The following PTPRT variants were observed in gnomAD, a reference collection of about 807,000 sequenced individuals.
PTPRT encodes the protein receptor-type tyrosine-protein phosphatase T.
Under a neutral mutation model 176.8 loss-of-function variants are expected in PTPRT, and 56 were observed. The observed-to-expected ratio is 0.32, with a 90% CI of 0.26 to 0.40. The LOEUF is 0.40. Ranked by LOEUF, PTPRT falls within the 10% of genes least tolerant of loss-of-function variation. PTPRT has a pLI of 1.00. For missense variants in PTPRT, 1,540 were observed against 1,908.2 expected, an observed-to-expected ratio of 0.81 and a Z score of 3.60; for synonymous variants, 783 against 739.0, an observed-to-expected ratio of 1.06 and a Z score of -0.96.
chr20:42,924,867 T>C (rs1331677429), intron 1 of PTPRT, among the ~76,000 whole-genome samples: 2 of 152,188 alleles, frequency 1.3e-5, no homozygotes. Flanking sequence ...CCTGGGAGCT[T>C]GTTAAACGCA....
At chr20:42,209,094 C>T (rs1040397575) in intron 15 of PTPRT, among the ~76,000 whole-genome samples, 12 of 152,258 alleles carry the variant, frequency 7.9e-5, no homozygotes, top group Non-Finnish European at 1.8e-4. Context: ...TTCTTTGAAA[C>T]CAATGAGAAC....
At chr20:42,193,273 T>A (rs1463314026) in intron 16 of PTPRT, among the ~76,000 whole-genome samples, 2 of 152,272 alleles carry the variant, frequency 1.3e-5, no homozygotes, top group African/African-American at 4.8e-5. Flanking sequence ...TCATAGTACC[T>A]GGCACCTTGT....
intron 6 of PTPRT, among the ~76,000 whole-genome samples, chr20:42,699,914 T>C (rs1478190694): frequency 6.6e-6 from 1 of 152,156 alleles, no homozygotes; most frequent in Non-Finnish European, 1.5e-5. Flanking sequence ...GCTAAAAATA[T>C]AAAATTGATA....
intron 6 of PTPRT, among the ~76,000 whole-genome samples, chr20:42,739,292 A>T (rs114932620): frequency 1.6e-4 from 24 of 147,684 alleles, no homozygotes; most frequent in African/African-American, 4.1e-4. Context: ...AGGGAGAGAT[A>T]AAAAAAAAGC....
intron 8 of PTPRT, among the ~76,000 whole-genome samples, chr20:42,467,175 C>T (rs992444988): frequency 9.2e-5 from 14 of 152,118 alleles, no homozygotes; most frequent in African/African-American, 2.7e-4. Context: ...TAAGCACCAA[C>T]GTAATAACTG....
chr20:43,177,092 G>T (rs960844017), intron 1 of PTPRT, among the ~76,000 whole-genome samples: 2 of 152,232 alleles, frequency 1.3e-5, no homozygotes, highest in African/African-American at 2.4e-5. Context: ...TAACCCATCT[G>T]CAATGACGCC....
At chr20:42,739,290 AT>A (rs201253492) in intron 6 of PTPRT, among the ~76,000 whole-genome samples, 105,858 of 150,824 alleles carry the variant, frequency 0.7, 37,107 homozygotes, top group East Asian at 0.84. Flanking sequence ...AAAGGGAGAG[AT>A]AAAAAAAAAG....
chr20:42,656,772 T>C (rs983626999), intron 7 of PTPRT, among the ~76,000 whole-genome samples: 5 of 152,210 alleles, frequency 3.3e-5, no homozygotes, highest in African/African-American at 1.2e-4. Flanking sequence ...AAAGTTAGGA[T>C]GAAATCAATT....
At chr20:42,091,628 A>T (rs1984628542) in intron 27 of PTPRT, among the ~76,000 whole-genome samples, 2 of 152,250 alleles carry the variant, frequency 1.3e-5, no homozygotes, top group South Asian at 4.1e-4. Flanking sequence ...GAGAAATGTA[A>T]GTTTCCTGAA....
chr20:42,921,539 T>C (rs776778289), intron 1 of PTPRT, among the ~76,000 whole-genome samples: 21 of 152,186 alleles, frequency 1.4e-4, no homozygotes, highest in African/African-American at 3.1e-4. Flanking sequence ...GAGCTAGCAT[T>C]GCACCACTGC....
intron 1 of PTPRT, among the ~76,000 whole-genome samples, chr20:42,890,989 C>T (rs1359531275): frequency 6.6e-6 from 1 of 152,200 alleles, no homozygotes; most frequent in African/African-American, 2.4e-5. Context: ...TTGTCTGCCA[C>T]CATGTAAGAT....
rs577391384 is a variant in PTPRT, at chr20:42,385,297, C to T, written c.1561-33012G>A. Among the ~76,000 whole-genome samples the T allele has an allele frequency of 5.3e-5, 8 of 152,118 alleles. No individual in the cohort carries two copies. The East Asian group carries it at 1.2e-3, about 22-fold the overall frequency. On this transcript the variant is annotated intron_variant, in intron 9 of 30. Transcript: ENST00000373187. ...CTCAAAATAAAAAAGGAAGTCTTGC[C>T]GTATGTGACAACATAGATGAACCTG... is the stretch of plus-strand genomic sequence containing the variant.
At chr20:42,908,447 T>C (rs774304229) in intron 1 of PTPRT, among the ~76,000 whole-genome samples, 1 of 152,060 alleles carries the variant, frequency 6.6e-6, no homozygotes, top group Non-Finnish European at 1.5e-5. Flanking sequence ...CACTGTACAA[T>C]CCAGAAAAAT....
At chr20:42,246,279 T>C (rs1179931834) in intron 14 of PTPRT, among the ~76,000 whole-genome samples, 2 of 151,812 alleles carry the variant, frequency 1.3e-5, no homozygotes, top group African/African-American at 4.8e-5. Context: ...ATGTTCAATT[T>C]CTCTCTTCCT....
chr20:42,347,781 C>A (rs1397374655), intron 11 of PTPRT, among the ~76,000 whole-genome samples: 3 of 152,232 alleles, frequency 2.0e-5, no homozygotes, highest in Non-Finnish European at 4.4e-5. Context: ...CCTTGTTCAG[C>A]AGCCTTGCAA....
At chr20:42,056,447 C>G in the PTPRT span, among the ~76,000 whole-genome samples, 1 of 152,198 alleles carries the variant, frequency 6.6e-6, no homozygotes, top group African/African-American at 2.4e-5. Context: ...GTCTAAGCAT[C>G]TTTGGAGGCT....
At chr20:42,524,778 A>G (rs1227024288) in intron 7 of PTPRT, among the ~76,000 whole-genome samples, 1 of 151,966 alleles carries the variant, frequency 6.6e-6, no homozygotes, top group Non-Finnish European at 1.5e-5. Flanking sequence ...ATGTTTCTTT[A>G]TTCCCTTCAT....
At chr20:42,227,845 G>C (rs2056053627) in intron 15 of PTPRT, among the ~76,000 whole-genome samples, 1 of 152,036 alleles carries the variant, frequency 6.6e-6, no homozygotes, top group Admixed American at 6.5e-5. Context: ...CTGACCTCAG[G>C]TAATCCACCT....
intron 7 of PTPRT, among the ~76,000 whole-genome samples, chr20:42,543,351 A>G (rs963358178): frequency 6.6e-6 from 1 of 152,218 alleles, no homozygotes; most frequent in African/African-American, 2.4e-5. Context: ...TCAATAAAAG[A>G]TTCCATCTCA....
Sources: gnomAD v4.1 joint callset for allele counts (sites outside exome capture counted in the v4.1 genomes callset) on GRCh38, gnomAD v4.1.1 for gene constraint, MANE v1.5 for transcripts, NCBI Gene and HGNC (gene_info 2026-07-23, HGNC 2026-07-21) for gene names.